Variants in AGFG1 observed in about 807,000 individuals in gnomAD.
AGFG1 encodes the protein arf-GAP domain and FG repeat-containing protein 1.
In AGFG1, 10 loss-of-function variants were observed where a neutral mutation model predicts 60.6. That is an observed-to-expected ratio of 0.16 (90% CI 0.10 to 0.28). The LOEUF (loss-of-function observed/expected upper bound fraction) is 0.28, where lower values mean the gene tolerates loss of function less well. AGFG1 is among the 10% of genes least tolerant of loss of function. The probability of loss-of-function intolerance (pLI) is 1.00; values close to 1 mark genes in which losing one functional copy is unlikely to be tolerated. For synonymous variants in AGFG1, 247 were observed against 242.9 expected (o/e 1.02, Z -0.16); for missense variants, 537 against 676.5 (o/e 0.79, Z 2.29).
At chr2:227,552,149 C>T (rs1420283109) in intron 11 of AGFG1, 32 bp downstream of exon 11, 4 of 1,612,150 alleles carry the variant, frequency 2.5e-6, no homozygotes, top group Non-Finnish European at 3.4e-6. Flanking sequence ...GCTGTAAGTT[C>T]ATTTTATGTA....
chr2:227,472,737 G>A, intron 1 of AGFG1, 149 bp downstream of exon 1: 2 of 890,744 alleles, frequency 2.2e-6, no homozygotes, highest in Non-Finnish European at 3.0e-6. Context: ...TGGCGGGCGC[G>A]GCGTGGGAGG....
At chr2:227,516,719 C>T (rs1691661545) in intron 2 of AGFG1, among the ~76,000 whole-genome samples, 1 of 152,166 alleles carries the variant, frequency 6.6e-6, no homozygotes, top group South Asian at 2.1e-4. Context: ...CTGCCCTTAG[C>T]CCATCTGCTT....
At chr2:227,499,077 C>T (rs1253296604) in intron 2 of AGFG1, among the ~76,000 whole-genome samples, 2 of 152,018 alleles carry the variant, frequency 1.3e-5, no homozygotes, top group Admixed American at 6.6e-5. Flanking sequence ...TAAGCAAATG[C>T]GAGACATAAA....
At chr2:227,550,332 T>C (rs1407740369) in intron 10 of AGFG1, among the ~76,000 whole-genome samples, 1 of 152,250 alleles carries the variant, frequency 6.6e-6, no homozygotes, top group Non-Finnish European at 1.5e-5. Context: ...ACTGCTTACC[T>C]ACATGGTCAT....
intron 7 of AGFG1, among the ~76,000 whole-genome samples, chr2:227,534,320 A>G (rs998390124): frequency 3.3e-5 from 5 of 152,148 alleles, no homozygotes; most frequent in Admixed American, 2.6e-4. Flanking sequence ...CAAAATGAGG[A>G]TAATTCTAAG....
chr2:227,530,069 ATG>A, intron 5 of AGFG1, among the ~76,000 whole-genome samples: 1 of 152,184 alleles, frequency 6.6e-6, no homozygotes, highest in East Asian at 1.9e-4. Flanking sequence ...TCTCATGAAT[ATG>A]TGTTTTTCTT....
At chr2:227,518,186 T>G (rs1230743774) in intron 2 of AGFG1, among the ~76,000 whole-genome samples, 1 of 152,234 alleles carries the variant, frequency 6.6e-6, no homozygotes, top group Admixed American at 6.5e-5. Flanking sequence ...ATTCTCCCAT[T>G]TGTTTATTCA....
chr2:227,525,037 A>C (rs1246346289), intron 5 of AGFG1, 122 bp downstream of exon 5: 1 of 1,131,744 alleles, frequency 8.8e-7, no homozygotes, highest in Non-Finnish European at 1.3e-6. Flanking sequence ...TGTCACTTGT[A>C]ACTGTTGAGC....
chr2:227,529,502 A>G (rs1181512356), intron 5 of AGFG1, among the ~76,000 whole-genome samples: 2 of 152,162 alleles, frequency 1.3e-5, no homozygotes, highest in African/African-American at 4.8e-5. Context: ...CTTAAAAGCC[A>G]GAAGCCTTTA....
intron 2 of AGFG1, among the ~76,000 whole-genome samples, chr2:227,514,722 A>G (rs1332854210): frequency 1.3e-5 from 2 of 152,112 alleles, no homozygotes; most frequent in Non-Finnish European, 2.9e-5. Flanking sequence ...ATTATTCTAC[A>G]ATTAGAATTG....
chr2:227,502,564 A>G (rs1575078632), intron 2 of AGFG1, among the ~76,000 whole-genome samples: 1 of 151,872 alleles, frequency 6.6e-6, no homozygotes, highest in Non-Finnish European at 1.5e-5. Flanking sequence ...CAGGTGATCC[A>G]CCTGCCTCGG....
intron 2 of AGFG1, among the ~76,000 whole-genome samples, chr2:227,496,543 T>C (rs1690981620): frequency 6.6e-6 from 1 of 152,212 alleles, no homozygotes; most frequent in Non-Finnish European, 1.5e-5. Flanking sequence ...CCTTGCAGTC[T>C]TCTACATGCA....
At chr2:227,539,746 CA>C (rs71039604) in intron 10 of AGFG1, among the ~76,000 whole-genome samples, 7,233 of 65,498 alleles carry the variant, frequency 0.11, 137 homozygotes, top group African/African-American at 0.19. Context: ...CTCTAGCTCA[CA>C]AAAAAAAAAA....
At chr2:227,481,657 G>A (rs1005375523) in intron 1 of AGFG1, among the ~76,000 whole-genome samples, 4 of 152,066 alleles carry the variant, frequency 2.6e-5, no homozygotes, top group South Asian at 2.1e-4. Context: ...GTTCTCTGAC[G>A]CTCTGTTTAT....
At chr2:227,550,254 G>T in intron 10 of AGFG1, 1 of 229,546 alleles carries the variant, frequency 4.4e-6, no homozygotes. Context: ...GTGGCATTGG[G>T]ATTACATTGT....
intron 10 of AGFG1, among the ~76,000 whole-genome samples, chr2:227,548,041 G>C (rs935806582): frequency 3.3e-5 from 5 of 152,182 alleles, no homozygotes; most frequent in East Asian, 1.9e-4. Context: ...GCTACAACAT[G>C]GATGAACCTT....
intron 10 of AGFG1, among the ~76,000 whole-genome samples, chr2:227,545,808 A>G (rs1204897575): frequency 6.6e-6 from 1 of 152,190 alleles, no homozygotes; most frequent in African/African-American, 2.4e-5. Flanking sequence ...CAGAACAGCA[A>G]ATATTGCAAA....
intron 2 of AGFG1, among the ~76,000 whole-genome samples, chr2:227,499,385 A>G (rs1691079306): frequency 6.6e-6 from 1 of 152,004 alleles, no homozygotes; most frequent in Admixed American, 6.5e-5. Flanking sequence ...CATGTTTGTA[A>G]TCCCAGCACT....
intron 5 of AGFG1, among the ~76,000 whole-genome samples, chr2:227,530,644 AT>A (rs1260108381): frequency 6.6e-6 from 1 of 151,774 alleles, no homozygotes; most frequent in Non-Finnish European, 1.5e-5. Context: ...TAATTAAACC[AT>A]TTTTGTATTA....
Sources: allele counts gnomAD v4.1 joint callset (sites outside exome capture counted in the v4.1 genomes callset), GRCh38; gene constraint gnomAD v4.1.1; transcripts MANE v1.5; gene names NCBI Gene and HGNC (gene_info 2026-07-23, HGNC 2026-07-21).